ATP7B: variants seen among roughly 807,000 people sequenced by gnomAD.
The protein encoded by ATP7B is copper-transporting ATPase 2.
In ATP7B, 113 loss-of-function variants were observed where a neutral mutation model predicts 118.9. That is an observed-to-expected ratio of 0.95 (90% CI 0.82 to 1.11). The LOEUF (loss-of-function observed/expected upper bound fraction) is 1.11. Ranked by LOEUF, ATP7B falls within the 50% of genes most tolerant of loss-of-function variation. ATP7B has a pLI of 0.00. For missense variants in ATP7B, 1,867 were observed against 1,871.4 expected (o/e 1.00, Z 0.04); for synonymous variants, 777 against 727.4 (o/e 1.07, Z -1.10).
intron 1 of ATP7B, among the ~76,000 whole-genome samples, chr13:51,993,451 T>C (rs1241551021): frequency 6.6e-6 from 1 of 152,042 alleles, no homozygotes; most frequent in Non-Finnish European, 1.5e-5. Flanking sequence ...TGGTGGCAGC[T>C]ACTCAGGGGG....
At chr13:51,950,530 T>C in intron 9 of ATP7B, 131 bp from the exon 10 acceptor site, 1 of 1,342,368 alleles carries the variant, frequency 7.4e-7, no homozygotes, top group Non-Finnish European at 1.0e-6. Context: ...ATCTGTTCAT[T>C]TACAGATATT....
At chr13:51,947,593 G>A (rs1957746295) in intron 12 of ATP7B, among the ~76,000 whole-genome samples, 1 of 152,116 alleles carries the variant, frequency 6.6e-6, no homozygotes, top group South Asian at 2.1e-4. Flanking sequence ...ACTCTGAAAG[G>A]CAGGATTCTA....
chr13:52,005,585 G>C (rs989806071), intron 1 of ATP7B, among the ~76,000 whole-genome samples: 1 of 152,152 alleles, frequency 6.6e-6, no homozygotes, highest in Non-Finnish European at 1.5e-5. Context: ...GACCACTTAA[G>C]TAATCTCTAA....
intron 8 of ATP7B, 129 bp from the exon 9 acceptor site, chr13:51,957,736 G>T (rs928036483): frequency 1.2e-6 from 1 of 853,074 alleles, no homozygotes; most frequent in Non-Finnish European, 1.9e-6. Flanking sequence ...ACGATAAAAG[G>T]CTCTGCAGGT....
chr13:51,975,207 C>T, intron 1 of ATP7B, 39 bp from the exon 2 acceptor site: 1 of 1,605,610 alleles, frequency 6.2e-7, no homozygotes, highest in African/African-American at 1.3e-5. Context: ...ACCTTGAAAC[C>T]AAATATTTTC....
chr13:51,932,907 C>T lies in ATP7B; in HGVS notation c.*1849G>A, dbSNP rs901534399. On this transcript the variant is annotated 3_prime_UTR_variant, in exon 21 of 21. Coordinates refer to ENST00000242839, the MANE Select transcript of ATP7B (RefSeq NM_000053.4). ...ATCAGCCTAGTCAGAAAACAACATT[C>T]CCCAAGCAAGCATAAAGAGAGGACA... is the stretch of plus-strand genomic sequence containing the variant. 1.3e-5 allele frequency: 2 copies of T among 152,118 alleles called. No individual in the cohort carries two copies. Among genetic ancestry groups the T allele is most frequent in the Non-Finnish European group, 2.9e-5 (2 of 68,032 alleles). 9.4% of individuals were successfully genotyped at this position (152,118 alleles called of 1,614,324 possible).
intron 1 of ATP7B, among the ~76,000 whole-genome samples, chr13:52,004,906 G>T (rs1593876077): frequency 3.3e-5 from 5 of 152,146 alleles, no homozygotes; most frequent in Admixed American, 2.0e-4. Flanking sequence ...CTTGAACTCT[G>T]CTCAGCTGCA....
In ATP7B at chr13:51,981,574, A is replaced by G. The variant is rs559718479; in HGVS notation, c.52-6406T>C. Among the ~76,000 whole-genome samples the G allele has an allele frequency of 2.6e-5, 4 of 152,300 alleles. No homozygotes were observed. The South Asian group carries it at 6.2e-4, about 24-fold the overall frequency. ...ATGCCACAAATTCACAGGGGAGGGC[A>G]CAGGTCAAAAATGATGCCTGACTCA... On this transcript the variant is annotated intron_variant, in intron 1 of 20. Transcript: ENST00000242839.
At chr13:51,969,697 T>A (rs544732569) in intron 3 of ATP7B, among the ~76,000 whole-genome samples, 36 of 152,294 alleles carry the variant, frequency 2.4e-4, no homozygotes, top group African/African-American at 8.7e-4. Context: ...AAACATAGGC[T>A]ATAGGAGATT....
In ATP7B at chr13:52,011,291, C is replaced by T. The variant is rs1424030614; in HGVS notation, c.47G>A (p.Arg16Gln). 1 of 1,614,212 alleles carries T rather than the reference C, an allele frequency of 6.2e-7. No homozygotes were observed. Among genetic ancestry groups the T allele is most frequent in the Non-Finnish European group, 8.5e-7 (1 of 1,180,012 alleles). ...ACGCGGGGGAACAAAACTCACTTTC[C>T]GACTGGCCCCTTCTCTGGCTGTGAT... is the stretch of plus-strand genomic sequence containing the variant. ...RQITAREGAS[R>Q]KILSKLSLPT... The change falls in exon 1 of 21, where the codon CGG (arginine) becomes CAG (glutamine). Residue 16 changes from arginine to glutamine, a missense_variant. Physicochemically the swap from Arg to Gln is conservative, Grantham distance 43 (BLOSUM62 1). Transcript: ENST00000242839.
Position 51,944,257 on chromosome 13 carries a change from A to G in ATP7B, c.3095T>C (p.Ile1032Thr). The stretch of plus-strand genomic sequence containing the variant: ...CATGACCCTGGGGACGCCATGGGTA[A>G]TGGTGCCAGTCTTGTCAAACATCAC... ...KTVMFDKTGTITHGVPRVMRV... is the reference protein window; with the variant it reads ...KTVMFDKTGTTTHGVPRVMRV... The change falls in exon 14 of 21, where the codon ATT becomes ACT. Residue 1032 changes from isoleucine (I) to threonine (T), a missense_variant. Ile to Thr is a moderately conservative substitution (Grantham distance 89). Transcript: ENST00000242839. 6.2e-7 allele frequency: 1 copy of G among 1,614,072 alleles called. No individual in the cohort carries two copies. Among genetic ancestry groups the G allele is most frequent in the Non-Finnish European group, 8.5e-7 (1 of 1,180,000 alleles).
chr13:51,970,233 C>G (rs1055648387), intron 3 of ATP7B, among the ~76,000 whole-genome samples: 1 of 152,134 alleles, frequency 6.6e-6, no homozygotes, highest in Non-Finnish European at 1.5e-5. Context: ...AGAAGTCTAT[C>G]CACAAAAGGT....
chr13:51,937,478 T>C lies in ATP7B; in HGVS notation c.3901A>G (p.Arg1301Gly), dbSNP rs1957038246. Residue 1301 changes from arginine (R) to glycine (G), a missense_variant and splice_region_variant, in exon 18 of 21, where the codon AGA (arginine) becomes GGA (glycine). Arg to Gly is a moderately radical substitution (Grantham distance 125). Coordinates refer to ENST00000242839, the MANE Select transcript of ATP7B (RefSeq NM_000053.4). ...AIEAADVVLI[R>G]NDLLDVVASI... ...AGCCTGGCTGCAGCCACGCTCACTC[T>C]GATAAGGACGACGTCGGCTGCCTCG... 6 of 1,614,126 alleles carry C rather than the reference T, an allele frequency of 3.7e-6. No individual in the cohort carries two copies. The highest frequency in any genetic ancestry group is 2.2e-5 in the East Asian group (1 of 44,884).
intron 1 of ATP7B, among the ~76,000 whole-genome samples, chr13:52,008,887 T>C (rs968817674): frequency 1.4e-4 from 21 of 152,258 alleles, no homozygotes; most frequent in African/African-American, 5.1e-4. Context: ...TCTTTTCTTT[T>C]TTTTTGAGAC....
chr13:51,954,935 C>T (rs1441450552), intron 9 of ATP7B, among the ~76,000 whole-genome samples: 1 of 152,120 alleles, frequency 6.6e-6, no homozygotes, highest in African/African-American at 2.4e-5. Flanking sequence ...ACCACCAGAA[C>T]CCCAAGGACC....
chr13:51,996,323 G>A (rs548181006), intron 1 of ATP7B, among the ~76,000 whole-genome samples: 2 of 152,296 alleles, frequency 1.3e-5, no homozygotes, highest in African/African-American at 4.8e-5. Context: ...GGGATTAATA[G>A]GAGGAGACAC....
intron 2 of ATP7B, among the ~76,000 whole-genome samples, chr13:51,971,618 G>C (rs189618017): frequency 2.6e-5 from 4 of 152,276 alleles, no homozygotes; most frequent in Admixed American, 2.6e-4. Flanking sequence ...CTTACCTATT[G>C]CGTACAGGAT....
intron 12 of ATP7B, among the ~76,000 whole-genome samples, chr13:51,946,858 T>G (rs1957697826): frequency 6.6e-6 from 1 of 152,194 alleles, no homozygotes; most frequent in African/African-American, 2.4e-5. Context: ...GCAATACACA[T>G]ATAAACATAT....
chr13:51,938,923 G>A, intron 17 of ATP7B, 128 bp downstream of exon 17: 5 of 1,443,806 alleles, frequency 3.5e-6, no homozygotes, highest in Non-Finnish European at 4.8e-6. Context: ...TGAAACACGT[G>A]GAGAGAAAAG....
Sources: gnomAD v4.1 joint callset for allele counts (sites outside exome capture counted in the v4.1 genomes callset) on GRCh38, gnomAD v4.1.1 for gene constraint, MANE v1.5 for transcripts, NCBI Gene and HGNC (gene_info 2026-07-23, HGNC 2026-07-21) for gene names.